Variants in ADAM12 observed in about 807,000 individuals in gnomAD.
The protein encoded by ADAM12 is disintegrin and metalloproteinase domain-containing protein 12.
In ADAM12, 70 loss-of-function variants were observed where a neutral mutation model predicts 106.4. The ratio of observed to expected loss-of-function variants is 0.66; its 90% CI spans 0.54 to 0.80. The LOEUF is 0.80. Ranked by LOEUF, ADAM12 falls within the 30% of genes least tolerant of loss-of-function variation. The pLI is 0.00. For synonymous variants in ADAM12, 420 were observed against 433.5 expected (o/e 0.97, Z 0.39); for missense variants, 1,010 against 1,171.9 (o/e 0.86, Z 2.02).
At chr10:126,115,790 AG>A (rs1176448121) in intron 6 of ADAM12, among the ~76,000 whole-genome samples, 1 of 152,224 alleles carries the variant, frequency 6.6e-6, no homozygotes, top group Admixed American at 6.5e-5. Context: ...AGGCAGCATA[AG>A]TGGGGCAGGA....
chr10:126,190,701 A>G (rs572695586), intron 3 of ADAM12, among the ~76,000 whole-genome samples: 12 of 152,154 alleles, frequency 7.9e-5, no homozygotes, highest in Admixed American at 2.0e-4. Context: ...GAGACTGAAA[A>G]TGAGAAGGTG....
At chr10:126,215,777 T>G (rs1283051863) in intron 3 of ADAM12, among the ~76,000 whole-genome samples, 1 of 152,176 alleles carries the variant, frequency 6.6e-6, no homozygotes, top group Non-Finnish European at 1.5e-5. Flanking sequence ...GTAAATTGTG[T>G]ATTTGTCACC....
chr10:126,163,445 A>T (rs1956971293), intron 3 of ADAM12, among the ~76,000 whole-genome samples: 1 of 152,242 alleles, frequency 6.6e-6, no homozygotes, highest in African/African-American at 2.4e-5. Flanking sequence ...ATTTGCATGA[A>T]AATATTACCA....
chr10:126,113,210 G>T (rs1393423170), intron 6 of ADAM12, among the ~76,000 whole-genome samples: 39 of 152,170 alleles, frequency 2.6e-4, no homozygotes, highest in Admixed American at 2.4e-3. Flanking sequence ...GAGCTTGTGG[G>T]TGTTGGCAAC....
At chr10:126,235,561 G>A (rs1031325579) in intron 3 of ADAM12, among the ~76,000 whole-genome samples, 5 of 152,200 alleles carry the variant, frequency 3.3e-5, no homozygotes, top group South Asian at 4.2e-4. Flanking sequence ...TCTGTGAGGC[G>A]GGCTCGAGCT....
At chr10:126,166,186 A>G (rs1478498803) in intron 3 of ADAM12, among the ~76,000 whole-genome samples, 1 of 152,250 alleles carries the variant, frequency 6.6e-6, no homozygotes, top group African/African-American at 2.4e-5. Flanking sequence ...ACACACTGAG[A>G]CATGCTGTTA....
chr10:126,166,508 G>GT (rs1554980115), intron 3 of ADAM12, among the ~76,000 whole-genome samples: 19 of 151,484 alleles, frequency 1.3e-4, no homozygotes, highest in African/African-American at 3.6e-4. Context: ...TTTGTTTTTT[G>GT]TTTTTTTTGA....
chr10:126,243,264 T>G (rs1408629953), intron 3 of ADAM12, among the ~76,000 whole-genome samples: 7 of 152,236 alleles, frequency 4.6e-5, no homozygotes, highest in African/African-American at 1.4e-4. Flanking sequence ...AGATGTCTTA[T>G]GTCTGACTCT....
intron 3 of ADAM12, among the ~76,000 whole-genome samples, chr10:126,236,187 G>A (rs895901919): frequency 6.6e-6 from 1 of 152,238 alleles, no homozygotes. Context: ...CCCAGAGAGT[G>A]TCCGTGGAGA....
At position 126,133,492 on chromosome 10, in the gene ADAM12, C is replaced by T. The variant is rs190060329; in HGVS notation, c.416+2092G>A. On this transcript the variant is annotated intron_variant, in intron 5 of 22. Coordinates refer to ENST00000448723, the MANE Select transcript of ADAM12 (RefSeq NM_001288973.2). ...GTTGCCACCTTTGACCAGGCCTGCCCCACCACCTCTTACCAGAGTTACTCT... is the reference window on the plus strand; with the variant it reads ...GTTGCCACCTTTGACCAGGCCTGCCTCACCACCTCTTACCAGAGTTACTCT... Among the ~76,000 whole-genome samples, 181 of 152,324 alleles carry T rather than the reference C, an allele frequency of 1.2e-3. No individual in the cohort carries two copies. The Middle Eastern group carries it at 0.017, about 14-fold the overall frequency.
chr10:126,198,512 AT>A (rs1268005857), intron 3 of ADAM12, among the ~76,000 whole-genome samples: 3 of 152,150 alleles, frequency 2.0e-5, no homozygotes, highest in Non-Finnish European at 2.9e-5. Context: ...TGGACGCAAA[AT>A]GTGCAACCAG....
chr10:126,217,390 G>C (rs752015016), intron 3 of ADAM12, among the ~76,000 whole-genome samples: 1 of 148,818 alleles, frequency 6.7e-6, no homozygotes. Flanking sequence ...TTTTTGAAAC[G>C]GAGTTTCGCT....
intron 2 of ADAM12, among the ~76,000 whole-genome samples, chr10:126,314,419 G>T (rs1320760710): frequency 6.6e-6 from 1 of 152,172 alleles, no homozygotes; most frequent in African/African-American, 2.4e-5. Context: ...TGTTAGGGCT[G>T]CAGGCCAACG....
chr10:126,331,583 C>CT (rs1474248869), intron 1 of ADAM12, among the ~76,000 whole-genome samples: 9 of 152,212 alleles, frequency 5.9e-5, no homozygotes, highest in Non-Finnish European at 2.9e-5. Flanking sequence ...GAAACAGCCT[C>CT]TGAGAAATTC....
At chr10:126,348,096 T>C (rs933717436) in intron 1 of ADAM12, among the ~76,000 whole-genome samples, 1 of 152,196 alleles carries the variant, frequency 6.6e-6, no homozygotes, top group African/African-American at 2.4e-5. Flanking sequence ...GCCTTTGTCT[T>C]AGCACCTGTA....
At chr10:126,109,734 T>A (rs769075889) in intron 7 of ADAM12, 41 bp downstream of exon 7, 2 of 1,576,966 alleles carry the variant, frequency 1.3e-6, no homozygotes, top group East Asian at 4.5e-5. Flanking sequence ...TTTTCTTTTA[T>A]CTCTAACCAA....
chr10:126,274,363 G>A (rs1959200782), intron 3 of ADAM12, among the ~76,000 whole-genome samples: 1 of 152,132 alleles, frequency 6.6e-6, no homozygotes, highest in Non-Finnish European at 1.5e-5. Context: ...ACCCCCACAC[G>A]CTCAGGTGGC....
intron 1 of ADAM12, among the ~76,000 whole-genome samples, chr10:126,336,660 G>A (rs1395950739): frequency 6.6e-6 from 1 of 152,142 alleles, no homozygotes; most frequent in Non-Finnish European, 1.5e-5. Flanking sequence ...AAGGGTCTGG[G>A]ATGGCAGAAA....
chr10:126,209,066 C>T (rs1957851495), intron 3 of ADAM12, among the ~76,000 whole-genome samples: 1 of 152,078 alleles, frequency 6.6e-6, no homozygotes, highest in Non-Finnish European at 1.5e-5. Context: ...AGCAAGAGAG[C>T]AATGAAAATC....
Sources: allele counts gnomAD v4.1 joint callset (sites outside exome capture counted in the v4.1 genomes callset), GRCh38; gene constraint gnomAD v4.1.1; transcripts MANE v1.5; gene names NCBI Gene and HGNC (gene_info 2026-07-23, HGNC 2026-07-21).